The following FCHSD1 variants were observed in gnomAD, a reference collection of about 807,000 sequenced individuals.
FCHSD1 encodes the protein F-BAR and double SH3 domains protein 1.
Under a neutral mutation model 101.3 loss-of-function variants are expected in FCHSD1, and 109 were observed. The ratio of observed to expected loss-of-function variants is 1.08; its 90% CI spans 0.92 to 1.26. The LOEUF (loss-of-function observed/expected upper bound fraction) is 1.26, where lower values mean the gene tolerates loss of function less well. Ranked by LOEUF, FCHSD1 falls within the 50% of genes most tolerant of loss-of-function variation. FCHSD1 has a pLI of 0.00. For missense variants in FCHSD1, 820 were observed against 895.8 expected (o/e 0.92, Z 1.08); for synonymous variants, 291 against 356.8 (o/e 0.82, Z 2.08).
rs774442186 is a variant in FCHSD1 at position 141,651,347 on chromosome 5, C to T, written c.21+1G>A. 5.8e-6 allele frequency: 9 copies of T among 1,554,218 alleles called. No homozygotes were observed. The highest frequency in any genetic ancestry group is 3.3e-4 in the Middle Eastern group (2 of 5,996). On this transcript the variant is annotated splice_donor_variant, in intron 1 of 19. Coordinates refer to ENST00000435817, the MANE Select transcript of FCHSD1 (RefSeq NM_033449.3). LOFTEE classifies it high-confidence loss of function. ...GAGTCCCCATTCAGGGCCAAGCTCA[C>T]TTTTCGGGGCGGCGGCTGCATCTCC...
intron 11 of FCHSD1, 128 bp from the exon 12 acceptor site, chr5:141,646,319 A>G: frequency 2.0e-6 from 2 of 1,008,304 alleles, no homozygotes; most frequent in South Asian, 1.4e-5. Context: ...GGTGGGTGCT[A>G]TTATTGGCCC....
Position 141,639,406 on chromosome 5 carries a change from A to G in FCHSD1, c.*2092T>C. On this transcript the variant is annotated 3_prime_UTR_variant, in exon 20 of 20. Coordinates refer to ENST00000435817, the MANE Select transcript of FCHSD1 (RefSeq NM_033449.3). The surrounding 1 kb of genome is among the most constrained non-coding windows in gnomAD (Gnocchi z 4.4). Reference sequence around the variant, plus strand: ...GGAGCATGCTGAAAGAACGTAAGAAACAAAACATGAAGGGAAATGGAAATG... The same window carrying G: ...GGAGCATGCTGAAAGAACGTAAGAAGCAAAACATGAAGGGAAATGGAAATG... The G allele has an allele frequency of 6.9e-7, 1 of 1,445,264 alleles. No homozygotes were observed. 89.5% of individuals were successfully genotyped at this position (1,445,264 alleles called of 1,614,324 possible).
Position 141,649,538 on chromosome 5 carries a change from T to C in FCHSD1, c.234-2A>G. On this transcript the variant is annotated splice_acceptor_variant, in intron 4 of 19. Transcript: ENST00000435817. LOFTEE classifies it high-confidence loss of function. The surrounding 1 kb of genome is among the most constrained non-coding windows in gnomAD (Gnocchi z 4.1). Reference sequence around the variant, plus strand: ...CAGGCACCGAACACTGTCCTGCCCCTCCCCAGAGAAGGTCTGTGTTGAGGA... The same window carrying C: ...CAGGCACCGAACACTGTCCTGCCCCCCCCCAGAGAAGGTCTGTGTTGAGGA... 6.2e-7 allele frequency: 1 copy of C among 1,610,420 alleles called. No homozygotes were observed.
chr5:141,641,543 C>CGG lies in FCHSD1; in HGVS notation c.2026_2027dup (p.Pro677ArgfsTer25). 1 of 1,520,428 alleles carries CGG rather than the reference C, an allele frequency of 6.6e-7. No homozygotes were observed. The highest frequency in any genetic ancestry group is 8.8e-7 in the Non-Finnish European group (1 of 1,132,682). 94.2% of individuals were successfully genotyped at this position (1,520,428 alleles called of 1,614,324 possible). ...GGCCAGGATCCGGGGCTTTAGCCGG[C>CGG]GGGGGAGGTGGTGGACGCATCTGTA... On this transcript the variant is annotated frameshift_variant, in exon 20 of 20. Transcript: ENST00000435817. LOFTEE classifies it high-confidence loss of function.
At chr5:141,650,176 C>G (rs1366705936) in intron 3 of FCHSD1, among the ~76,000 whole-genome samples, 183 bp downstream of exon 3, 1 of 152,096 alleles carries the variant, frequency 6.6e-6, no homozygotes, top group Non-Finnish European at 1.5e-5. Context: ...AAACTGAGGT[C>G]AAGAAAGGTT....
Position 141,644,646 on chromosome 5 carries a change from A to C in FCHSD1, c.1569T>G (p.Tyr523Ter), listed in dbSNP as rs1213289885. 2 of 1,613,824 alleles carry C rather than the reference A, an allele frequency of 1.2e-6. No individual in the cohort carries two copies. The highest frequency in any genetic ancestry group is 1.7e-6 in the Non-Finnish European group (2 of 1,179,820). The change falls in exon 16 of 20, where the codon TAT (tyrosine) becomes TAG (stop). Residue 523 changes from tyrosine to a stop codon, truncating the protein, a stop_gained. Coordinates refer to ENST00000435817, the MANE Select transcript of FCHSD1 (RefSeq NM_033449.3). LOFTEE classifies it high-confidence loss of function. ...GGAGGGAGAGGTCCGGGAAGTTGAG[A>C]TATCGCTCAGGGACAAAGCCTACCT... Reference protein sequence around the residue: ...HGEVGFVPERYLNFPDLSLPE... With the variant: ...HGEVGFVPER
intron 18 of FCHSD1, chr5:141,642,023 T>C (rs145350860): frequency 4.8e-4 from 274 of 567,682 alleles, no homozygotes; most frequent in African/African-American, 4.4e-3. Context: ...TAATGAAACC[T>C]CAACAAACAC....
In FCHSD1 at chr5:141,644,238, C is replaced by T. The variant is rs928108960; in HGVS notation, c.1843G>A (p.Glu615Lys). The T allele has an allele frequency of 1.2e-6, 2 of 1,612,256 alleles. No homozygotes were observed. Among genetic ancestry groups the T allele is most frequent in the African/African-American group, 1.3e-5 (1 of 74,898 alleles). ...EELLGPPGPPELSDPEQMLPS... is the reference protein window; with the variant it reads ...EELLGPPGPPKLSDPEQMLPS... ...CTCACCTGTTCAGGGTCAGAGAGTTCAGGTGGCCCTGGGGGGCCAAGCAGC... is the reference window on the plus strand; with the variant it reads ...CTCACCTGTTCAGGGTCAGAGAGTTTAGGTGGCCCTGGGGGGCCAAGCAGC... The change falls in exon 17 of 20, where the codon GAA (glutamate) becomes AAA (lysine). Residue 615 changes from glutamate (E) to lysine (K), a missense_variant. By Grantham distance (56) the Glu-to-Lys change is moderately conservative. Transcript: ENST00000435817.
intron 13 of FCHSD1, 84 bp downstream of exon 13, chr5:141,645,687 G>A (rs2099907566): frequency 2.1e-6 from 3 of 1,448,620 alleles, no homozygotes; most frequent in South Asian, 2.8e-5. Context: ...AGGCACAACT[G>A]TGATTCCAGT....
intron 3 of FCHSD1, 143 bp from the exon 4 acceptor site, chr5:141,650,097 T>C (rs565535059): frequency 1.1e-6 from 1 of 927,064 alleles, no homozygotes; most frequent in South Asian, 1.7e-5. Context: ...AGTCATTAAT[T>C]TGTTTAATCC....
In FCHSD1 at chr5:141,640,345, T is replaced by G; in HGVS notation, c.*1153A>C. The G allele has an allele frequency of 6.2e-7, 1 of 1,614,020 alleles. No individual in the cohort carries two copies. The highest frequency in any genetic ancestry group is 8.5e-7 in the Non-Finnish European group (1 of 1,179,932). On this transcript the variant is annotated 3_prime_UTR_variant, in exon 20 of 20. Coordinates refer to ENST00000435817, the MANE Select transcript of FCHSD1 (RefSeq NM_033449.3). ...ACTGGGCTGGGCTCTTATTGCTCTC[T>G]ACTCTGGGGGGCACTGATAGGACCT...
chr5:141,641,819 C>CATTGA, intron 18 of FCHSD1, 62 bp from the exon 19 acceptor site: 1 of 1,524,958 alleles, frequency 6.6e-7, no homozygotes, highest in Non-Finnish European at 9.1e-7. Context: ...GTATCTCCAG[C>CATTGA]ACTTAGGACA....
chr5:141,646,434 C>T, intron 11 of FCHSD1, 169 bp downstream of exon 11: 1 of 1,149,824 alleles, frequency 8.7e-7, no homozygotes, highest in South Asian at 1.6e-5. Context: ...CTATGTCGGT[C>T]TAGCTCCAAA....
At chr5:141,642,841 G>A (rs948523785) in intron 18 of FCHSD1, 160 bp downstream of exon 18, 13 of 634,388 alleles carry the variant, frequency 2.0e-5, no homozygotes, top group Middle Eastern at 4.3e-4. Flanking sequence ...GACAGAGCGG[G>A]ACCTGAACCA....
intron 7 of FCHSD1, 72 bp downstream of exon 7, chr5:141,648,885 C>A: frequency 6.4e-7 from 1 of 1,560,894 alleles, no homozygotes. Flanking sequence ...TACATATGCA[C>A]CTATGTTCCA....
In FCHSD1 at chr5:141,649,919, C is replaced by T. The variant is rs1454851287; in HGVS notation, c.201G>A (p.Arg67=). 2.6e-6 allele frequency: 4 copies of T among 1,550,922 alleles called. No individual in the cohort carries two copies. The African/African-American group carries it at 5.5e-5, about 21-fold the overall frequency. Residue 67 remains arginine, a synonymous_variant, in exon 4 of 20, where the codon AGG becomes AGA. Transcript: ENST00000435817. The surrounding 1 kb of genome is among the most constrained non-coding windows in gnomAD (Gnocchi z 4.1). ...LQKLAGPFLK[R]EGHRSGEMDS... ...CCATCTCACCGCTCCGGTGCCCTTC[C>T]CTCTTCAGGAATGGGCCAGCCAGTT...
rs540976615 is a variant in FCHSD1, at chr5:141,650,863, T to A, written c.119+157A>T. Among the ~76,000 whole-genome samples, 14 of 152,014 alleles carry A rather than the reference T, an allele frequency of 9.2e-5. 1 individual carries two copies. The highest frequency in any genetic ancestry group is 6.8e-3 in the Middle Eastern group (2 of 294). On this transcript the variant is annotated intron_variant, in intron 2 of 19. Transcript: ENST00000435817. Reference sequence around the variant, plus strand: ...GGGGTTAGGTGGGGGAGCATTCCTATCCAGTATCTGGAGAGGCCAGGCCTA... The same window carrying A: ...GGGGTTAGGTGGGGGAGCATTCCTAACCAGTATCTGGAGAGGCCAGGCCTA...
chr5:141,644,286 A>G lies in FCHSD1; in HGVS notation c.1795T>C (p.Phe599Leu). Reference sequence around the variant, plus strand: ...AGCTCTTCCACCAGCAGGGAGGGGAAGACCCCAACACGGCCCCCAAATTCT... The same window carrying G: ...AGCTCTTCCACCAGCAGGGAGGGGAGGACCCCAACACGGCCCCCAAATTCT... ...RGEFGGRVGV[F>L]PSLLVEELLG... Residue 599 changes from phenylalanine (F) to leucine (L), a missense_variant, in exon 17 of 20, where the codon TTC becomes CTC. Coordinates refer to ENST00000435817, the MANE Select transcript of FCHSD1 (RefSeq NM_033449.3). 1 of 1,613,704 alleles carries G rather than the reference A, an allele frequency of 6.2e-7. No individual in the cohort carries two copies. The highest frequency in any genetic ancestry group is 2.2e-5 in the East Asian group (1 of 44,870).
Position 141,644,579 on chromosome 5 carries a change from G to C in FCHSD1, c.1636C>G (p.Pro546Ala), listed in dbSNP as rs2099907418. The C allele has an allele frequency of 1.2e-6, 2 of 1,613,794 alleles. No individual in the cohort carries two copies. The highest frequency in any genetic ancestry group is 4.5e-5 in the East Asian group (2 of 44,886). The change falls in exon 16 of 20, where the codon CCC becomes GCC. Residue 546 changes from proline to alanine, a missense_variant. Transcript: ENST00000435817. Reference sequence around the variant, plus strand: ...CAAAATTTCCCTTTCTTACCTGTGGGCTCTGCCCCGCAGGGATTGTCACTG... The same window carrying C: ...CAAAATTTCCCTTTCTTACCTGTGGCCTCTGCCCCGCAGGGATTGTCACTG... Reference protein sequence around the residue: ...QDSDNPCGAEPTAFLAQALYS... With the variant: ...QDSDNPCGAEATAFLAQALYS...
Sources: allele counts gnomAD v4.1 joint callset (sites outside exome capture counted in the v4.1 genomes callset), GRCh38; gene constraint gnomAD v4.1.1; non-coding constraint Gnocchi (gnomAD v3.1); transcripts MANE v1.5; gene names NCBI Gene and HGNC (gene_info 2026-07-23, HGNC 2026-07-21).